Variants in ANAPC7 observed in about 807,000 individuals in gnomAD.
ANAPC7 encodes anaphase-promoting complex subunit 7.
In ANAPC7, 25 loss-of-function variants were observed where a neutral mutation model predicts 63.3. The observed-to-expected ratio is 0.39, with a 90% CI of 0.29 to 0.55. The LOEUF is 0.55. Ranked by LOEUF, ANAPC7 falls within the 20% of genes least tolerant of loss-of-function variation. ANAPC7 has a pLI of 0.57. For missense variants in ANAPC7, 516 were observed against 691.7 expected (o/e 0.75, Z 2.85); for synonymous variants, 241 against 251.7 (o/e 0.96, Z 0.40).
chr12:110,377,196 T>C (rs999750204), intron 9 of ANAPC7, among the ~76,000 whole-genome samples, 197 bp downstream of exon 9: 1 of 150,366 alleles, frequency 6.7e-6, no homozygotes, highest in Non-Finnish European at 1.5e-5. Context: ...TTATAGGTGG[T>C]TGGAACCAAG....
In ANAPC7 at chr12:110,403,645, C is replaced by A. The variant is rs1224786101; in HGVS notation, c.-18G>T. The A allele has an allele frequency of 9.5e-6, 15 of 1,579,286 alleles. No individual in the cohort carries two copies. The highest frequency in any genetic ancestry group is 2.3e-5 in the South Asian group (2 of 87,026). ...ACATTCATCCTGCTCTGCAAAGCCG[C>A]GGGCAGCGGCGGCAGCACTGACTCG... On this transcript the variant is annotated 5_prime_UTR_variant, in exon 1 of 11. Coordinates refer to ENST00000455511, the MANE Select transcript of ANAPC7 (RefSeq NM_016238.3).
rs937809227 is a variant in ANAPC7 at position 110,373,415 on chromosome 12, A to G, written c.*729T>C. ...CTGGGGCTGAATCAATGCATTGCGA[A>G]TAAGACAAAAATACTAAGAGTCTAT... is the stretch of plus-strand genomic sequence containing the variant. On this transcript the variant is annotated 3_prime_UTR_variant, in exon 11 of 11. Coordinates refer to ENST00000455511, the MANE Select transcript of ANAPC7 (RefSeq NM_016238.3). 2 of 152,200 alleles carry G rather than the reference A, an allele frequency of 1.3e-5. No individual in the cohort carries two copies. The highest frequency in any genetic ancestry group is 2.9e-5 in the Non-Finnish European group (2 of 68,022). The allele number at this position is 152,200 out of a possible 1,614,324, so 9.4% of individuals were successfully genotyped here. A position where few individuals can be genotyped will look rare whatever the true frequency, so the allele number is the denominator to read the frequency against.
rs557174062 is a variant in ANAPC7 at position 110,381,488 on chromosome 12, C to G, written c.1132+264G>C. ...AGTAGCTGGGACTACAGGTGTGAGCCACCATGCCCAGCTAATTTTTGTATT... is the reference window on the plus strand; with the variant it reads ...AGTAGCTGGGACTACAGGTGTGAGCGACCATGCCCAGCTAATTTTTGTATT... On this transcript the variant is annotated intron_variant, in intron 8 of 10. Coordinates refer to ENST00000455511, the MANE Select transcript of ANAPC7 (RefSeq NM_016238.3). Among the ~76,000 whole-genome samples, 13 of 152,232 alleles carry G rather than the reference C, an allele frequency of 8.5e-5. 1 individual carries two copies. The highest frequency in any genetic ancestry group is 6.2e-4 in the South Asian group (3 of 4,824).
At chr12:110,377,725 G>A in intron 8 of ANAPC7, 108 bp from the exon 9 acceptor site, 1 of 1,537,928 alleles carries the variant, frequency 6.5e-7, no homozygotes, top group South Asian at 1.2e-5. Context: ...TCAGACAAAG[G>A]GCAGGCCACG....
chr12:110,376,310 A>G, intron 9 of ANAPC7, 94 bp from the exon 10 acceptor site: 1 of 1,430,640 alleles, frequency 7.0e-7, no homozygotes, highest in Non-Finnish European at 9.6e-7. Context: ...TCAAGAGAAC[A>G]CTGGTGCAAC....
chr12:110,376,344 G>A, intron 9 of ANAPC7, 128 bp from the exon 10 acceptor site: 2 of 1,002,650 alleles, frequency 2.0e-6, no homozygotes, highest in Non-Finnish European at 2.9e-6. Flanking sequence ...AAGCACACCT[G>A]AAGCCCTATT....
intron 8 of ANAPC7, chr12:110,377,885 C>A: frequency 8.0e-7 from 1 of 1,246,922 alleles, no homozygotes. Context: ...AAGGAACCTG[C>A]AGCATGTGAG....
chr12:110,376,970 T>A (rs933744534), intron 9 of ANAPC7, among the ~76,000 whole-genome samples: 2 of 150,212 alleles, frequency 1.3e-5, no homozygotes, highest in Admixed American at 6.7e-5. Flanking sequence ...TAAAAAAAAA[T>A]AATAAAAAAT....
intron 8 of ANAPC7, chr12:110,379,105 A>G (rs1592896038): frequency 6.6e-6 from 1 of 151,550 alleles, no homozygotes; most frequent in African/African-American, 2.4e-5. Context: ...CAGGTGTTCC[A>G]CCCGCCTCAG....
intron 7 of ANAPC7, among the ~76,000 whole-genome samples, chr12:110,382,448 A>C (rs1881948938): frequency 1.7e-5 from 1 of 59,400 alleles, no homozygotes; most frequent in Non-Finnish European, 3.0e-5. Context: ...TTTTAAAAAA[A>C]AAAAAAAAAA....
At chr12:110,384,686 C>A (rs867126897) in intron 6 of ANAPC7, among the ~76,000 whole-genome samples, 5,179 of 137,426 alleles carry the variant, frequency 0.038, 302 homozygotes, top group African/African-American at 0.13. Flanking sequence ...AAAAAAAAAA[C>A]AAAAAAAAAC....
chr12:110,396,288 G>C lies in ANAPC7; in HGVS notation c.266C>G (p.Ser89Cys). The C allele has an allele frequency of 1.2e-6, 2 of 1,611,692 alleles. No individual in the cohort carries two copies. Among genetic ancestry groups the C allele is most frequent in the African/African-American group, 1.3e-5 (1 of 74,708 alleles). ...TACCTGACTTTGTGGAGTAGATGCA[G>C]AATTTCCAGTTGAAGGTCTCACTTT... ...TSKVRPSTGN[S>C]ASTPQSQCLP... is the part of the protein sequence containing the mutation. The change falls in exon 2 of 11, where the codon TCT becomes TGT. Residue 89 changes from serine (S) to cysteine (C), a missense_variant. By Grantham distance (112) the Ser-to-Cys change is moderately radical. Transcript: ENST00000455511.
At chr12:110,381,631 G>T in intron 8 of ANAPC7, 121 bp downstream of exon 8, 1 of 1,021,678 alleles carries the variant, frequency 9.8e-7, no homozygotes, top group Non-Finnish European at 1.4e-6. Flanking sequence ...CACCACGTCC[G>T]GCCAGCTTCC....
intron 2 of ANAPC7, 44 bp from the exon 3 acceptor site, chr12:110,395,264 A>G (rs760599811): frequency 7.0e-6 from 11 of 1,573,856 alleles, no homozygotes; most frequent in Non-Finnish European, 9.5e-6. Flanking sequence ...TATTCCAACA[A>G]TATGACAGTT....
At chr12:110,378,198 G>A (rs539674077) in intron 8 of ANAPC7, 236 of 154,118 alleles carry the variant, frequency 1.5e-3, no homozygotes, top group Non-Finnish European at 2.6e-3. Context: ...GGGTTCAAGC[G>A]ATTCTCCTCC....
In ANAPC7 at chr12:110,400,977, G is replaced by C. The variant is rs181540613; in HGVS notation, c.101+2550C>G. On this transcript the variant is annotated intron_variant, in intron 1 of 10. Coordinates refer to ENST00000455511, the MANE Select transcript of ANAPC7 (RefSeq NM_016238.3). The stretch of plus-strand genomic sequence containing the variant: ...AGGTGGGAGGATCGATTGAGCCTGG[G>C]AGGTGGAGGCTGTAGTCAGCCGAGA... Among the ~76,000 whole-genome samples the C allele has an allele frequency of 1.7e-3, 261 of 152,146 alleles. 4 individuals are homozygous for C. Among genetic ancestry groups the C allele is most frequent in the Non-Finnish European group, 2.5e-3 (171 of 68,006 alleles).
chr12:110,396,073 A>C (rs1475809710), intron 2 of ANAPC7, among the ~76,000 whole-genome samples, 193 bp downstream of exon 2: 1 of 152,150 alleles, frequency 6.6e-6, no homozygotes, highest in Non-Finnish European at 1.5e-5. Flanking sequence ...GTGTTCCTAT[A>C]AGAATCTAAT....
chr12:110,396,203 T>C (rs1883562512), intron 2 of ANAPC7, 63 bp downstream of exon 2: 2 of 1,483,794 alleles, frequency 1.3e-6, no homozygotes, highest in Non-Finnish European at 1.8e-6. Flanking sequence ...GGGACCCTGT[T>C]CTAAATTCTT....
intron 3 of ANAPC7, among the ~76,000 whole-genome samples, chr12:110,390,583 T>C (rs1329194752): frequency 1.3e-5 from 2 of 152,138 alleles, no homozygotes; most frequent in Admixed American, 6.6e-5. Flanking sequence ...CAATCTAATA[T>C]AGCATTGATT....
Sources: gnomAD v4.1 joint callset for allele counts (sites outside exome capture counted in the v4.1 genomes callset) on GRCh38, gnomAD v4.1.1 for gene constraint, MANE v1.5 for transcripts, NCBI Gene and HGNC (gene_info 2026-07-23, HGNC 2026-07-21) for gene names.